RARB: variants seen among roughly 807,000 people sequenced by gnomAD.
RARB encodes HBV-activated protein.
A neutral mutation model predicts 51.9 loss-of-function variants in RARB; 17 were observed. The observed-to-expected ratio is 0.33, with a 90% CI of 0.22 to 0.49. The LOEUF (loss-of-function observed/expected upper bound fraction) is 0.49, where lower values mean the gene tolerates loss of function less well. Among genes scored for constraint, RARB ranks in the 20% least tolerant of loss-of-function variants. The pLI, the probability that RARB is intolerant of heterozygous loss-of-function variation, is 0.99. For missense variants in RARB, 369 were observed against 550.8 expected, an observed-to-expected ratio of 0.67 and a Z score of 3.30; for synonymous variants, 215 against 195.4, an observed-to-expected ratio of 1.10 and a Z score of -0.84.
rs907713693 is a variant in RARB, at chr3:25,209,974, C to T, written c.178+35399C>T. Among the ~76,000 whole-genome samples, 11 of 152,278 alleles carry T rather than the reference C, an allele frequency of 7.2e-5. No homozygotes were observed. In the East Asian group the frequency reaches 9.7e-4, roughly 13 times the overall value. Reference sequence around the variant, plus strand: ...TAATAAGATAACTTTGATAATCCCTCTTCTGACATATTACTATAGCCAACA... The same window carrying T: ...TAATAAGATAACTTTGATAATCCCTTTTCTGACATATTACTATAGCCAACA... On this transcript the variant is annotated intron_variant, in intron 5 of 11. Coordinates refer to the RARB transcript ENST00000383772.
chr3:25,121,152 A>G (rs867506866), intron 3 of RARB, among the ~76,000 whole-genome samples: 3 of 152,318 alleles, frequency 2.0e-5, no homozygotes, highest in Non-Finnish European at 4.4e-5. Flanking sequence ...GAGGAAGGCT[A>G]TACTGGAAAG....
intron 2 of RARB, among the ~76,000 whole-genome samples, chr3:24,954,758 T>A (rs1695972247): frequency 6.6e-6 from 1 of 152,042 alleles, no homozygotes; most frequent in Non-Finnish European, 1.5e-5. Flanking sequence ...AGGAAGCAGT[T>A]CTAAGATAAG....
At chr3:25,090,226 A>G (rs1699172510) in intron 3 of RARB, among the ~76,000 whole-genome samples, 1 of 152,082 alleles carries the variant, frequency 6.6e-6, no homozygotes, top group African/African-American at 2.4e-5. Flanking sequence ...TTCAAAATAA[A>G]CCCTCTGAGA....
chr3:25,218,164 T>C (rs1701874060), intron 5 of RARB, among the ~76,000 whole-genome samples: 1 of 152,184 alleles, frequency 6.6e-6, no homozygotes, highest in Non-Finnish European at 1.5e-5. Context: ...TTAGCTACAG[T>C]GCTGTGGGCT....
At chr3:24,905,387 C>T (rs532720448) in intron 2 of RARB, among the ~76,000 whole-genome samples, 1 of 152,312 alleles carries the variant, frequency 6.6e-6, no homozygotes, top group South Asian at 2.1e-4. Flanking sequence ...AAAAATACCT[C>T]TGCTTACTTG....
chr3:25,020,882 T>C (rs149090978), intron 2 of RARB, among the ~76,000 whole-genome samples: 60 of 152,212 alleles, frequency 3.9e-4, no homozygotes, highest in African/African-American at 1.4e-3. Context: ...GTCAGGAGAA[T>C]TGCTTGAGCC....
chr3:25,567,165 A>G (rs1559471066), intron 3 of RARB, among the ~76,000 whole-genome samples: 5 of 152,212 alleles, frequency 3.3e-5, no homozygotes, highest in South Asian at 4.1e-4. Context: ...TTCACGTAGC[A>G]TAACATTCAT....
intron 3 of RARB, among the ~76,000 whole-genome samples, chr3:25,093,597 C>G (rs1298746383): frequency 6.6e-6 from 1 of 152,154 alleles, no homozygotes; most frequent in Admixed American, 6.6e-5. Context: ...TAAACAATTA[C>G]CTGCCATTAT....
chr3:25,416,622 C>T lies in RARB; in HGVS notation c.179-44571C>T, dbSNP rs181385636. ...GGCCATACAGTTGCCACTACGATCA[C>T]GCAGCTCTGTTGTGCAAAAGCAGCA... On this transcript the variant is annotated intron_variant, in intron 5 of 11. Coordinates refer to the RARB transcript ENST00000383772. Among the ~76,000 whole-genome samples, 13 of 152,298 alleles carry T rather than the reference C, an allele frequency of 8.5e-5. No individual in the cohort carries two copies. In the East Asian group the frequency reaches 1.2e-3, roughly 14 times the overall value.
intron 2 of RARB, among the ~76,000 whole-genome samples, chr3:25,491,410 G>T (rs1427870980): frequency 1.3e-5 from 2 of 152,270 alleles, no homozygotes; most frequent in East Asian, 3.9e-4. Context: ...AGGGGATCCT[G>T]TGGGAGAATG....
intron 5 of RARB, among the ~76,000 whole-genome samples, chr3:25,368,695 T>C (rs531053467): frequency 6.6e-6 from 1 of 152,306 alleles, no homozygotes; most frequent in East Asian, 1.9e-4. Flanking sequence ...TATTCCTTTC[T>C]AAAAGCAAGT....
intron 5 of RARB, among the ~76,000 whole-genome samples, chr3:25,200,073 G>C (rs1296577951): frequency 2.0e-5 from 3 of 152,134 alleles, no homozygotes; most frequent in East Asian, 1.9e-4. Flanking sequence ...CAGTGTAAAA[G>C]TATTCCTATT....
intron 5 of RARB, among the ~76,000 whole-genome samples, chr3:25,405,092 C>T (rs902637054): frequency 6.6e-6 from 1 of 152,146 alleles, no homozygotes; most frequent in Non-Finnish European, 1.5e-5. Flanking sequence ...CCATGAGATG[C>T]GATCCCTGAG....
chr3:25,335,828 A>G (rs1345904836), intron 5 of RARB, among the ~76,000 whole-genome samples: 2 of 152,248 alleles, frequency 1.3e-5, no homozygotes, highest in African/African-American at 4.8e-5. Flanking sequence ...CTATGTGGCC[A>G]GGGAACAGTC....
At chr3:25,026,785 C>T (rs936082893) in intron 2 of RARB, among the ~76,000 whole-genome samples, 7 of 152,110 alleles carry the variant, frequency 4.6e-5, no homozygotes, top group Non-Finnish European at 1.0e-4. Flanking sequence ...TATAAATACT[C>T]CCACCTTATC....
intron 5 of RARB, among the ~76,000 whole-genome samples, chr3:25,312,971 G>T (rs565735010): frequency 4.6e-5 from 7 of 152,152 alleles, no homozygotes; most frequent in Non-Finnish European, 1.0e-4. Context: ...GATTCTCGAG[G>T]CATTTGAATT....
rs189309570 is a variant in RARB at position 25,149,402 on chromosome 3, A to T, written c.-280+17194A>T. On this transcript the variant is annotated intron_variant, in intron 4 of 11. Coordinates refer to the RARB transcript ENST00000383772. ...TGTGGAATAATATTTGGTATATAAT[A>T]AAGAGCATATATGCTAACCATAGTT... 2.2e-3 allele frequency among the ~76,000 whole-genome samples: 338 copies of T among 152,340 alleles called. 1 individual carries two copies. Among genetic ancestry groups the T allele is most frequent in the African/African-American group, 7.9e-3 (330 of 41,584 alleles).
intron 2 of RARB, among the ~76,000 whole-genome samples, chr3:24,988,196 T>A (rs945671500): frequency 1.3e-5 from 2 of 152,232 alleles, no homozygotes; most frequent in East Asian, 3.8e-4. Flanking sequence ...TATATTGTTG[T>A]ATATGTAAAT....
At chr3:24,983,945 A>C (rs565761260) in intron 2 of RARB, among the ~76,000 whole-genome samples, 1 of 152,336 alleles carries the variant, frequency 6.6e-6, no homozygotes, top group African/African-American at 2.4e-5. Flanking sequence ...CCAAATGAAA[A>C]GAGCAAGCAA....
Sources: gnomAD v4.1 joint callset for allele counts (sites outside exome capture counted in the v4.1 genomes callset) on GRCh38, gnomAD v4.1.1 for gene constraint, MANE v1.5 for transcripts, NCBI Gene and HGNC (gene_info 2026-07-23, HGNC 2026-07-21) for gene names.